UBE3B: variants seen among roughly 807,000 people sequenced by gnomAD.
UBE3B encodes ubiquitin-protein ligase E3B.
UBE3B carries 80 observed loss-of-function variants against 132.3 expected under a neutral mutation model. The ratio of observed to expected loss-of-function variants is 0.60; its 90% CI spans 0.50 to 0.73. The LOEUF (loss-of-function observed/expected upper bound fraction) is 0.73, where lower values mean the gene tolerates loss of function less well. UBE3B is among the 30% of genes least tolerant of loss of function. The pLI is 0.00. For synonymous variants in UBE3B, 487 were observed against 520.4 expected (o/e 0.94, Z 0.87); for missense variants, 1,196 against 1,362.5 (o/e 0.88, Z 1.92).
intron 23 of UBE3B, 90 bp downstream of exon 23, chr12:109,524,593 C>A: frequency 1.4e-6 from 2 of 1,413,056 alleles, no homozygotes; most frequent in Non-Finnish European, 2.0e-6. Context: ...AGAAAGAGCC[C>A]CAAGCTGAGG....
chr12:109,538,568 C>G (rs1366422715), downstream of UBE3B, among the ~76,000 whole-genome samples: 1 of 152,218 alleles, frequency 6.6e-6, no homozygotes, highest in African/African-American at 2.4e-5. This position sits in a 1 kb window ranked among gnomAD's most constrained non-coding sequence, Gnocchi z 4.1. Flanking sequence ...CACCTGGCAC[C>G]AAGTACGCAT....
chr12:109,530,791 A>G, intron 26 of UBE3B, 133 bp downstream of exon 26: 2 of 860,330 alleles, frequency 2.3e-6, no homozygotes, highest in Non-Finnish European at 3.6e-6. Flanking sequence ...CCTCTCCCAC[A>G]GGCAGGCCTC....
intron 6 of UBE3B, among the ~76,000 whole-genome samples, chr12:109,487,998 G>C (rs1479322763): frequency 6.6e-6 from 1 of 152,192 alleles, no homozygotes; most frequent in African/African-American, 2.4e-5. Flanking sequence ...ATCAAAATTA[G>C]AACAGCAGCC....
intron 9 of UBE3B, among the ~76,000 whole-genome samples, chr12:109,495,671 A>G (rs919477557): frequency 3.4e-4 from 52 of 152,244 alleles, no homozygotes; most frequent in African/African-American, 1.2e-3. Flanking sequence ...GTTTCTATAG[A>G]TTATAGATTA....
At chr12:109,510,962 G>A (rs983557443) in intron 17 of UBE3B, among the ~76,000 whole-genome samples, 7 of 152,140 alleles carry the variant, frequency 4.6e-5, no homozygotes, top group Non-Finnish European at 8.8e-5. Context: ...TTCTGTAAAG[G>A]GCCAGATGAC....
intron 13 of UBE3B, among the ~76,000 whole-genome samples, chr12:109,502,769 T>C (rs912222665): frequency 1.3e-5 from 2 of 152,218 alleles, no homozygotes; most frequent in African/African-American, 4.8e-5. Flanking sequence ...AAGAATCCCA[T>C]GTAAGATTTG....
downstream of UBE3B, among the ~76,000 whole-genome samples, chr12:109,541,057 A>G (rs1592987145): frequency 6.6e-6 from 1 of 152,220 alleles, no homozygotes; most frequent in Non-Finnish European, 1.5e-5. Flanking sequence ...CCTTGCAGCT[A>G]TGCAGCCTTG....
At position 109,480,163 on chromosome 12, in the gene UBE3B, G is replaced by A. The variant is rs536316538; in HGVS notation, c.-127-1474G>A. ...TCCTACCCAGAGAACCTTAGTAACT[G>A]TCCAGGTGGGAGCCTCTGCTGAAGA... On this transcript the variant is annotated intron_variant, in intron 1 of 27. Coordinates refer to ENST00000342494, the MANE Select transcript of UBE3B (RefSeq NM_130466.4). Among the ~76,000 whole-genome samples the A allele has an allele frequency of 7.3e-5, 11 of 151,012 alleles. 1 individual carries two copies. In the South Asian group the frequency reaches 1.9e-3, roughly 26 times the overall value.
chr12:109,507,523 A>G, intron 14 of UBE3B, 41 bp from the exon 15 acceptor site: 2 of 1,588,318 alleles, frequency 1.3e-6, no homozygotes, highest in Non-Finnish European at 1.7e-6. Flanking sequence ...GACCAGGTGG[A>G]GTCTCCACCT....
In UBE3B at chr12:109,486,580, C is replaced by CAAAAAAAAAAAAAAA. The variant is rs201336062; in HGVS notation, c.447+14_447+28dup. On this transcript the variant is annotated splice_donor_region_variant and intron_variant, in intron 6 of 27. Transcript: ENST00000342494. ...GATTTTCTCAAGCAGCTCAAGGTAA[C>CAAAAAAAAAAAAAAA]AAAAAAAAAAAAAAAAAAAAAAAGC... is the stretch of plus-strand genomic sequence containing the variant. 5.7e-5 allele frequency: 32 copies of CAAAAAAAAAAAAAAA among 562,734 alleles called. No homozygotes were observed. Among genetic ancestry groups the CAAAAAAAAAAAAAAA allele is most frequent in the Admixed American group, 1.9e-4 (4 of 20,856 alleles). 34.9% of individuals were successfully genotyped at this position (562,734 alleles called of 1,614,324 possible).
chr12:109,484,292 AC>A (rs1875998028), intron 4 of UBE3B, among the ~76,000 whole-genome samples: 1 of 152,246 alleles, frequency 6.6e-6, no homozygotes, highest in African/African-American at 2.4e-5. Flanking sequence ...TTAAACGGTA[AC>A]TGACAGGCAG....
chr12:109,546,477 A>G, the UBE3B span, among the ~76,000 whole-genome samples: 1 of 152,192 alleles, frequency 6.6e-6, no homozygotes, highest in Non-Finnish European at 1.5e-5. Context: ...GGACCTGTGC[A>G]GTTCAGCCTG....
chr12:109,530,822 CAG>C (rs1290086225), intron 26 of UBE3B, among the ~76,000 whole-genome samples, 164 bp downstream of exon 26: 1 of 152,176 alleles, frequency 6.6e-6, no homozygotes, highest in Non-Finnish European at 1.5e-5. Flanking sequence ...AAGCAGTAAC[CAG>C]AGAGGGGCTT....
intron 18 of UBE3B, among the ~76,000 whole-genome samples, chr12:109,512,370 G>A (rs999420784): frequency 4.6e-5 from 7 of 152,122 alleles, no homozygotes; most frequent in African/African-American, 1.4e-4. Context: ...AACCAGGAGA[G>A]TGCCACACAC....
the UBE3B span, among the ~76,000 whole-genome samples, chr12:109,545,048 G>A: frequency 7.2e-6 from 1 of 139,372 alleles, no homozygotes; most frequent in African/African-American, 2.7e-5. Flanking sequence ...CCTTTGACCA[G>A]GAAGGTGACC....
rs1414012414 is a variant in UBE3B at position 109,530,605 on chromosome 12, TG to T, written c.2872del (p.Asp958IlefsTer16). 6.2e-7 allele frequency: 1 copy of T among 1,614,138 alleles called. No individual in the cohort carries two copies. Among genetic ancestry groups the T allele is most frequent in the Non-Finnish European group, 8.5e-7 (1 of 1,180,060 alleles). ...AAGTCACAGAGTCATCATCTGGCTC[TG>T]GGATATTCTGGCCTCCGACTTCACA... ...HGSHRVIIWLWDILASDFTPD... is the reference protein window; with the variant it reads ...HGSHRVIIWLXDILASDFTPD... On this transcript the variant is annotated frameshift_variant, in exon 26 of 28. Coordinates refer to ENST00000342494, the MANE Select transcript of UBE3B (RefSeq NM_130466.4). LOFTEE classifies it high-confidence loss of function.
At chr12:109,531,182 A>G (rs1281440980) in intron 26 of UBE3B, among the ~76,000 whole-genome samples, 2 of 152,104 alleles carry the variant, frequency 1.3e-5, no homozygotes, top group African/African-American at 4.8e-5. Context: ...AACACACACA[A>G]TTGCTTAGGC....
At chr12:109,496,670 C>T (rs1878247604) in intron 9 of UBE3B, among the ~76,000 whole-genome samples, 1 of 152,148 alleles carries the variant, frequency 6.6e-6, no homozygotes, top group African/African-American at 2.4e-5. Flanking sequence ...GCTTATTAAC[C>T]ATTTGTGTAT....
intron 21 of UBE3B, 47 bp from the exon 22 acceptor site, chr12:109,523,931 C>T (rs1340749388): frequency 2.5e-6 from 4 of 1,609,644 alleles, no homozygotes; most frequent in African/African-American, 2.7e-5. Flanking sequence ...CCAAACACTG[C>T]ATCAGAATCC....
Sources: gnomAD v4.1 joint callset for allele counts (sites outside exome capture counted in the v4.1 genomes callset) on GRCh38, gnomAD v4.1.1 for gene constraint, Gnocchi (gnomAD v3.1) non-coding constraint, MANE v1.5 for transcripts, NCBI Gene and HGNC (gene_info 2026-07-23, HGNC 2026-07-21) for gene names.